The following SPOP variants were observed in gnomAD, a reference collection of about 807,000 sequenced individuals.
SPOP encodes speckle type BTB/POZ protein, also known as speckle-type POZ protein.
A neutral mutation model predicts 45.6 loss-of-function variants in SPOP; 11 were observed. The observed-to-expected ratio is 0.24, with a 90% CI of 0.15 to 0.40. The LOEUF is 0.40. Among genes scored for constraint, SPOP ranks in the 10% least tolerant of loss-of-function variants. The pLI, the probability that SPOP is intolerant of heterozygous loss-of-function variation, is 1.00. For synonymous variants in SPOP, 166 were observed against 166.3 expected, an observed-to-expected ratio of 1.00 and a Z score of 0.01; for missense variants, 152 against 465.6, an observed-to-expected ratio of 0.33 and a Z score of 6.20.
intron 1 of SPOP, among the ~76,000 whole-genome samples, chr17:49,632,446 CTGTCAGGAACCCAAGCTAAACTCTTAAGT>C (rs1246779319): frequency 2.0e-5 from 3 of 151,926 alleles, no homozygotes; most frequent in African/African-American, 7.3e-5. Flanking sequence ...ATTACAGCAG[CTGTCAGGAACCCAAGCTAAACTCTTAAGT>C]TATTTCAAGT....
rs1355380144 is a variant in SPOP at position 49,607,250 on chromosome 17, C to T, written c.837G>A (p.Lys279=). The change falls in exon 8 of 10, where the codon AAG becomes AAA. Residue 279 remains lysine (K), a splice_region_variant and synonymous_variant. Transcript: ENST00000504102. ...GATTATTTTTCTATTCTTATCTTAC[C>T]TTGTCAGCAGCTGCCAGCAAATCAT... The part of the protein sequence containing the change: ...MADDLLAAAD[K]YALERLKVMC... 7 of 1,614,046 alleles carry T rather than the reference C, an allele frequency of 4.3e-6. No individual in the cohort carries two copies. The South Asian group carries it at 7.7e-5, about 18-fold the overall frequency.
chr17:49,660,974 A>G (rs1324191529), intron 1 of SPOP, among the ~76,000 whole-genome samples: 1 of 152,164 alleles, frequency 6.6e-6, no homozygotes, highest in Non-Finnish European at 1.5e-5. Context: ...TCAAAAAAAT[A>G]AAAAATAATT....
At chr17:49,643,945 A>G (rs1049673935) in intron 1 of SPOP, among the ~76,000 whole-genome samples, 2 of 151,982 alleles carry the variant, frequency 1.3e-5, no homozygotes, top group South Asian at 2.1e-4. Context: ...AAAAAAAAAA[A>G]AAAGAAAGTA....
chr17:49,625,771 A>C (rs1486284858), intron 1 of SPOP, among the ~76,000 whole-genome samples: 5 of 152,326 alleles, frequency 3.3e-5, no homozygotes, highest in South Asian at 2.1e-4. Context: ...TAAAAGTAAA[A>C]AACAACAACA....
At chr17:49,672,841 G>A (rs2073153085) in intron 1 of SPOP, among the ~76,000 whole-genome samples, 1 of 152,082 alleles carries the variant, frequency 6.6e-6, no homozygotes, top group South Asian at 2.1e-4. Flanking sequence ...CAGCTCCTCA[G>A]AAGACTAAGG....
chr17:49,618,661 C>T, intron 5 of SPOP: 1 of 456,142 alleles, frequency 2.2e-6, no homozygotes. Flanking sequence ...ACATATTTAG[C>T]TTGATGTGAC....
intron 6 of SPOP, among the ~76,000 whole-genome samples, chr17:49,609,461 G>C (rs180675806): frequency 6.6e-6 from 1 of 152,136 alleles, no homozygotes; most frequent in Admixed American, 6.5e-5. Context: ...CTGATGCAAC[G>C]GGAATAAATG....
At chr17:49,658,165 AG>A (rs2143519617) in intron 1 of SPOP, among the ~76,000 whole-genome samples, 1 of 152,356 alleles carries the variant, frequency 6.6e-6, no homozygotes, top group African/African-American at 2.4e-5. Flanking sequence ...GAATTTTTAA[AG>A]CAATTTTAAA....
intron 1 of SPOP, chr17:49,636,341 G>A (rs1291550998): frequency 6.6e-6 from 1 of 151,978 alleles, no homozygotes; most frequent in Non-Finnish European, 1.5e-5. Flanking sequence ...CTGACTCTAA[G>A]GTTTCCGTAT....
In SPOP at chr17:49,641,335, AT is replaced by A. The variant is rs527695292; in HGVS notation, c.-66-18460del. On this transcript the variant is annotated intron_variant, in intron 1 of 9. Coordinates refer to ENST00000504102, the MANE Select transcript of SPOP (RefSeq NM_001007228.2). ...ACCACAATCCTATTCCTGCTTCATC[AT>A]TTTTTTTTCTATAGCGCATAAAGTC... Among the ~76,000 whole-genome samples, 7 of 144,342 alleles carry A rather than the reference AT, an allele frequency of 4.8e-5. No homozygotes were observed. The East Asian group carries it at 8.3e-4, about 17-fold the overall frequency. The allele number at this position is 144,342 out of a possible 152,430, so 94.7% of individuals were successfully genotyped here.
At chr17:49,661,724 A>G (rs1476513751) in intron 1 of SPOP, among the ~76,000 whole-genome samples, 1 of 152,204 alleles carries the variant, frequency 6.6e-6, no homozygotes, top group Non-Finnish European at 1.5e-5. Context: ...ACCATAAAAC[A>G]TATTTAAGGC....
chr17:49,624,331 GCACACACACACACACA>G (rs58009760), intron 1 of SPOP, among the ~76,000 whole-genome samples: 16 of 149,308 alleles, frequency 1.1e-4, no homozygotes, highest in African/African-American at 3.2e-4. Flanking sequence ...GCGCGCGCGC[GCACACACACACACACA>G]CACACACACA....
chr17:49,653,512 T>C (rs1279569783), intron 1 of SPOP, among the ~76,000 whole-genome samples: 2 of 152,142 alleles, frequency 1.3e-5, no homozygotes, highest in Non-Finnish European at 2.9e-5. Context: ...ATGGTTTCCA[T>C]GTTTTTGCTA....
rs1257099888 is a variant in SPOP at position 49,612,983 on chromosome 17, A to C, written c.481-1526T>G. On this transcript the variant is annotated intron_variant, in intron 5 of 9. Transcript: ENST00000504102. The stretch of plus-strand genomic sequence containing the variant: ...TATTTACTATCAGGTCAAGAAATTT[A>C]TTCATTTGTTTAAAACTAGCTGTTA... 2.6e-5 allele frequency: 4 copies of C among 152,218 alleles called. No individual in the cohort carries two copies. The East Asian group carries it at 7.7e-4, about 29-fold the overall frequency. The allele number at this position is 152,218 out of a possible 1,614,324, so 9.4% of individuals were successfully genotyped here.
chr17:49,621,830 GAACAA>G, intron 3 of SPOP, 111 bp downstream of exon 3: 1 of 1,160,358 alleles, frequency 8.6e-7, no homozygotes, highest in South Asian at 1.5e-5. Flanking sequence ...AATACAGTAA[GAACAA>G]AACAAAAGTC....
Position 49,678,032 on chromosome 17 carries a change from A to G in SPOP, c.-166T>C, listed in dbSNP as rs2073228045. The G allele has an allele frequency of 5.0e-6, 2 of 399,020 alleles. No individual in the cohort carries two copies. Among genetic ancestry groups the G allele is most frequent in the Non-Finnish European group, 8.8e-6 (2 of 226,454 alleles). The allele number at this position is 399,020 out of a possible 1,614,324, so 24.7% of individuals were successfully genotyped here. ...TGCGGGACCGCCGATACACAAATAC[A>G]CACACACTCGGAGCGCGCACACTCA... On this transcript the variant is annotated 5_prime_UTR_variant, in exon 1 of 10. Transcript: ENST00000504102.
At chr17:49,637,785 G>GT (rs1305548268) in intron 1 of SPOP, among the ~76,000 whole-genome samples, 1 of 152,200 alleles carries the variant, frequency 6.6e-6, no homozygotes, top group African/African-American at 2.4e-5. Context: ...ATTATTATAA[G>GT]TTTTTATGTA....
intron 1 of SPOP, among the ~76,000 whole-genome samples, chr17:49,635,110 G>A (rs975666395): frequency 2.0e-5 from 3 of 152,104 alleles, no homozygotes; most frequent in Admixed American, 2.0e-4. Flanking sequence ...CATGGACCAC[G>A]TGCCTTACCT....
chr17:49,633,948 C>T (rs2072497592), intron 1 of SPOP, among the ~76,000 whole-genome samples: 1 of 151,180 alleles, frequency 6.6e-6, no homozygotes, highest in African/African-American at 2.4e-5. Context: ...GGGTTAATAC[C>T]ATCAGGTGAC....
Sources: gnomAD v4.1 joint callset for allele counts (sites outside exome capture counted in the v4.1 genomes callset) on GRCh38, gnomAD v4.1.1 for gene constraint, MANE v1.5 for transcripts, NCBI Gene and HGNC (gene_info 2026-07-23, HGNC 2026-07-21) for gene names.